The following NOL4 variants were observed in gnomAD, a reference collection of about 807,000 sequenced individuals.
NOL4 encodes the protein cancer/testis antigen 125.
In NOL4, 17 loss-of-function variants were observed where a neutral mutation model predicts 75.9. That is an observed-to-expected ratio of 0.22 (90% CI 0.15 to 0.34). NOL4 has a LOEUF of 0.34. Ranked by LOEUF, NOL4 falls within the 10% of genes least tolerant of loss-of-function variation. The pLI is 1.00. For missense variants in NOL4, 614 were observed against 793.5 expected (o/e 0.77, Z 2.72); for synonymous variants, 292 against 289.9 (o/e 1.01, Z -0.07).
chr18:34,088,774 C>G (rs952513046), intron 5 of NOL4, among the ~76,000 whole-genome samples: 4 of 152,044 alleles, frequency 2.6e-5, no homozygotes, highest in Admixed American at 2.6e-4. Context: ...GGGTAAAATA[C>G]TTTTTATGCG....
intron 1 of NOL4, among the ~76,000 whole-genome samples, chr18:34,134,592 G>T (rs1207067779): frequency 1.3e-5 from 2 of 151,184 alleles, no homozygotes; most frequent in African/African-American, 4.9e-5. Context: ...GAACAATTAG[G>T]CAGAAGATAT....
intron 1 of NOL4, among the ~76,000 whole-genome samples, chr18:34,180,760 T>C (rs957331056): frequency 6.6e-6 from 1 of 151,524 alleles, no homozygotes; most frequent in African/African-American, 2.4e-5. Flanking sequence ...TGTCAATATT[T>C]TTAAAATGTT....
At chr18:33,853,121 A>G in intron 10 of NOL4, 86 bp from the exon 11 acceptor site, 1 of 1,066,056 alleles carries the variant, frequency 9.4e-7, no homozygotes, top group East Asian at 2.5e-5. Context: ...TTATAGTTGA[A>G]TGAATTAATG....
At chr18:33,922,115 C>T (rs999905243) in intron 9 of NOL4, among the ~76,000 whole-genome samples, 16 of 152,116 alleles carry the variant, frequency 1.1e-4, no homozygotes, top group African/African-American at 3.9e-4. Flanking sequence ...TGGAGCAGGA[C>T]CAAGAGATCT....
chr18:33,957,383 T>A lies in NOL4; in HGVS notation c.1371A>T (p.Lys457Asn). Residue 457 changes from lysine to asparagine, a missense_variant, in exon 8 of 11, where the codon AAA (lysine) becomes AAT (asparagine). By Grantham distance (94) the Lys-to-Asn change is moderately conservative (BLOSUM62 0). Coordinates refer to ENST00000261592, the MANE Select transcript of NOL4 (RefSeq NM_003787.5). ...AGGACTTGAGGTAAGTACGTATACG[T>A]TTTCTGGCACGCTCTTGATACTCAG... ...QFPEYQERAR[K>N]RIRTYLKSCR... 1 of 1,613,732 alleles carries A rather than the reference T, an allele frequency of 6.2e-7. No individual in the cohort carries two copies.
At chr18:33,937,720 G>A (rs911167914) in intron 9 of NOL4, among the ~76,000 whole-genome samples, 3 of 152,078 alleles carry the variant, frequency 2.0e-5, no homozygotes, top group African/African-American at 7.2e-5. Flanking sequence ...TCACTTGGTA[G>A]AAGTTTCTGT....
chr18:34,139,587 G>A (rs1036802136), intron 1 of NOL4, among the ~76,000 whole-genome samples: 20 of 151,798 alleles, frequency 1.3e-4, no homozygotes, highest in Non-Finnish European at 2.9e-4. Flanking sequence ...TATTAGTCTT[G>A]CTAGCGCTCT....
Position 33,851,314 on chromosome 18 carries a change from T to C in NOL4, c.*1528A>G, listed in dbSNP as rs1194571018. 3.3e-5 allele frequency: 5 copies of C among 152,514 alleles called. No homozygotes were observed. Among genetic ancestry groups the C allele is most frequent in the Non-Finnish European group, 7.4e-5 (5 of 68,004 alleles). 9.4% of individuals were successfully genotyped at this position (152,514 alleles called of 1,614,324 possible). On this transcript the variant is annotated 3_prime_UTR_variant, in exon 11 of 11. Coordinates refer to ENST00000261592, the MANE Select transcript of NOL4 (RefSeq NM_003787.5). ...TCACAAAAGTTTTTTTTTTGTTTTT[T>C]GTTTACATAATTGTAAGGAACAGTA...
At position 34,003,109 on chromosome 18, in the gene NOL4, G is replaced by A. The variant is rs570187185; in HGVS notation, c.1056+16209C>T. Among the ~76,000 whole-genome samples the A allele has an allele frequency of 1.7e-3, 263 of 152,118 alleles. 1 individual carries two copies. The highest frequency in any genetic ancestry group is 5.9e-3 in the African/African-American group (246 of 41,536). ...TTTACATGTTATTTTTGTTACTTACGTGAGCATTTAGTTCAAAAATCTACC... is the reference window on the plus strand; with the variant it reads ...TTTACATGTTATTTTTGTTACTTACATGAGCATTTAGTTCAAAAATCTACC... On this transcript the variant is annotated intron_variant, in intron 6 of 10. Transcript: ENST00000261592.
At chr18:34,217,282 TTTTA>T (rs1024534083) in intron 1 of NOL4, among the ~76,000 whole-genome samples, 9 of 152,152 alleles carry the variant, frequency 5.9e-5, no homozygotes, top group Admixed American at 2.6e-4. Flanking sequence ...CTTTCTTTTT[TTTTA>T]TTTATTTATT....
At chr18:34,203,713 TCTCTCA>T (rs1416815317) in intron 1 of NOL4, among the ~76,000 whole-genome samples, 36 of 62,680 alleles carry the variant, frequency 5.7e-4, no homozygotes, top group Middle Eastern at 8.8e-3. Flanking sequence ...TCTCTCTCTC[TCTCTCA>T]CACACACACA....
chr18:33,909,902 G>T (rs913900349), intron 9 of NOL4, among the ~76,000 whole-genome samples: 2 of 152,128 alleles, frequency 1.3e-5, no homozygotes, highest in African/African-American at 4.8e-5. Context: ...GTAAACTAAT[G>T]ATTGGGGATG....
chr18:34,124,085 A>G (rs2080275719), intron 2 of NOL4, among the ~76,000 whole-genome samples: 1 of 152,246 alleles, frequency 6.6e-6, no homozygotes, highest in African/African-American at 2.4e-5. Context: ...GTAATAATAA[A>G]ATGGGGAAAA....
At chr18:33,971,311 C>A (rs1229226733) in intron 6 of NOL4, among the ~76,000 whole-genome samples, 1 of 152,186 alleles carries the variant, frequency 6.6e-6, no homozygotes, top group Non-Finnish European at 1.5e-5. Flanking sequence ...TGATTAGCAG[C>A]AACTCAAATG....
At chr18:34,093,643 C>G in intron 4 of NOL4, 46 bp from the exon 5 acceptor site, 1 of 1,398,278 alleles carries the variant, frequency 7.2e-7, no homozygotes, top group Non-Finnish European at 9.6e-7. Flanking sequence ...ACGTATAATA[C>G]GTTTAAATAA....
At chr18:33,988,638 A>G (rs902231253) in intron 6 of NOL4, among the ~76,000 whole-genome samples, 4 of 152,034 alleles carry the variant, frequency 2.6e-5, no homozygotes, top group African/African-American at 9.7e-5. Context: ...ATGTAGATTG[A>G]CACAGCTGAA....
intron 9 of NOL4, among the ~76,000 whole-genome samples, chr18:33,936,734 T>C (rs1432831242): frequency 6.6e-6 from 1 of 152,058 alleles, no homozygotes; most frequent in African/African-American, 2.4e-5. Context: ...CTGAAAGCAC[T>C]AAGAGCAGAA....
intron 5 of NOL4, among the ~76,000 whole-genome samples, chr18:34,023,968 T>A (rs936591847): frequency 3.3e-5 from 5 of 151,738 alleles, no homozygotes; most frequent in African/African-American, 1.2e-4. Flanking sequence ...AGAAAAGTGG[T>A]TTCATCAGCA....
At chr18:33,977,222 T>G (rs1224646495) in intron 6 of NOL4, among the ~76,000 whole-genome samples, 2 of 151,894 alleles carry the variant, frequency 1.3e-5, no homozygotes, top group East Asian at 3.9e-4. Flanking sequence ...AAAATGAGAG[T>G]GAATAGTGGA....
Sources: gnomAD v4.1 joint callset for allele counts (sites outside exome capture counted in the v4.1 genomes callset) on GRCh38, gnomAD v4.1.1 for gene constraint, MANE v1.5 for transcripts, NCBI Gene and HGNC (gene_info 2026-07-23, HGNC 2026-07-21) for gene names.